Variants in MUC5B observed in about 807,000 individuals in gnomAD.
The protein encoded by MUC5B is mucin 5B, oligomeric mucus/gel-forming.
In MUC5B, 116 loss-of-function variants were observed where a neutral mutation model predicts 376.9. That is an observed-to-expected ratio of 0.31 (90% CI 0.26 to 0.36). MUC5B has a LOEUF of 0.36. Ranked by LOEUF, MUC5B falls within the 10% of genes least tolerant of loss-of-function variation. The pLI is 1.00. For synonymous variants in MUC5B, 3,517 were observed against 3,390.9 expected (o/e 1.04, Z -1.29); for missense variants, 7,165 against 7,769.9 (o/e 0.92, Z 2.93).
At chr11:1,232,267 G>T in intron 15 of MUC5B, 107 bp downstream of exon 15, 1 of 1,403,674 alleles carries the variant, frequency 7.1e-7, no homozygotes. Context: ...GGACCCCATG[G>T]AGGCAGGTGG....
rs573266996 is a variant in MUC5B at position 1,251,434 on chromosome 11, A to G, written c.14554A>G (p.Ser4852Gly). The G allele has an allele frequency of 1.9e-6, 3 of 1,612,574 alleles. No homozygotes were observed. In the African/African-American group the frequency reaches 4.0e-5, roughly 22 times the overall value. ...GACCACCTGGATCCTCACAGAGCCGAGCACTATAGCCACCGTGATGGTGCC... is the reference window on the plus strand; with the variant it reads ...GACCACCTGGATCCTCACAGAGCCGGGCACTATAGCCACCGTGATGGTGCC... ...PGTTWILTEP[S>G]TIATVMVPTG... Residue 4852 changes from serine (S) to glycine (G), a missense_variant, in exon 31 of 49, where the codon AGC becomes GGC. Physicochemically the swap from Ser to Gly is moderately conservative, Grantham distance 56 (BLOSUM62 0). Around this residue, in one of 31 missense-constraint regions of MUC5B, gnomAD observed 730 missense variants for 592.7 expected, o/e 1.23. Coordinates refer to ENST00000529681, the MANE Select transcript of MUC5B (RefSeq NM_002458.3).
chr11:1,231,349 G>A lies in MUC5B; in HGVS notation c.1541-74G>A, dbSNP rs1181929042. The A allele has an allele frequency of 2.0e-6, 3 of 1,504,304 alleles. No individual in the cohort carries two copies. In the African/African-American group the frequency reaches 4.1e-5, roughly 21 times the overall value. 93.2% of individuals were successfully genotyped at this position (1,504,304 alleles called of 1,614,324 possible). On this transcript the variant is annotated intron_variant, in intron 13 of 48. Transcript: ENST00000529681. ...CTCAGTGGGGTGGCCCGGCCCACTGGATGCCCTGCCCCTCCAATCTAGCCA... is the reference window on the plus strand; with the variant it reads ...CTCAGTGGGGTGGCCCGGCCCACTGAATGCCCTGCCCCTCCAATCTAGCCA...
In MUC5B at chr11:1,259,073, G is replaced by A. The variant is rs745475337; in HGVS notation, c.16713+12G>A. 8.4e-6 allele frequency: 13 copies of A among 1,544,350 alleles called. 1 individual carries two copies. In the South Asian group the frequency reaches 1.3e-4, roughly 16 times the overall value. On this transcript the variant is annotated intron_variant, in intron 44 of 48. Coordinates refer to ENST00000529681, the MANE Select transcript of MUC5B (RefSeq NM_002458.3). ...CTACCTGTCCCCAGGTGAGACCCGAGGCACCTGCCCCCAGGTGAGCCCCCG... is the reference window on the plus strand; with the variant it reads ...CTACCTGTCCCCAGGTGAGACCCGAAGCACCTGCCCCCAGGTGAGCCCCCG...
chr11:1,239,364 G>A (rs1862226639), intron 26 of MUC5B, 74 bp from the exon 27 acceptor site: 2 of 1,526,132 alleles, frequency 1.3e-6, no homozygotes, highest in Admixed American at 2.1e-5. Flanking sequence ...CCCACGCCCG[G>A]GGTAGGGGCT....
At position 1,234,224 on chromosome 11, in the gene MUC5B, G is replaced by A; in HGVS notation, c.2397G>A (p.Val799=). 1.2e-6 allele frequency: 2 copies of A among 1,605,586 alleles called. No homozygotes were observed. Among genetic ancestry groups the A allele is most frequent in the Non-Finnish European group, 1.7e-6 (2 of 1,177,976 alleles). Residue 799 remains valine, a synonymous_variant, in exon 20 of 49, where the codon GTG becomes GTA. Coordinates refer to ENST00000529681, the MANE Select transcript of MUC5B (RefSeq NM_002458.3). This position sits in a 1 kb window ranked among gnomAD's most constrained non-coding sequence, Gnocchi z 6.3. ...QKSTGCAAPM[V]YLDCSNSSAG... ...CCCCAGGGTGTGCAGCCCCCATGGT[G>A]TACCTGGACTGCAGCAACAGCTCGG...
chr11:1,226,959 G>A, intron 4 of MUC5B, 72 bp from the exon 5 acceptor site: 1 of 1,575,212 alleles, frequency 6.3e-7, no homozygotes, highest in Non-Finnish European at 8.6e-7. Flanking sequence ...CCTGGGCCAG[G>A]GCTGGGGGGG....
intron 9 of MUC5B, 118 bp downstream of exon 9, chr11:1,229,413 G>T: frequency 8.0e-7 from 1 of 1,248,380 alleles, no homozygotes; most frequent in Non-Finnish European, 1.1e-6. Flanking sequence ...CCCACCAGAG[G>T]GCCCAGGGTG....
chr11:1,227,739 C>T lies in MUC5B; in HGVS notation c.732C>T (p.Cys244=). The part of the protein sequence containing the change: ...LQKLDGPTEQ[C]PDPLPLPAGN... Reference sequence around the variant, plus strand: ...AGTTGGATGGGCCCACGGAGCAGTGCCCGGACCCGCTGCCCTTGCCGGCCG... The same window carrying T: ...AGTTGGATGGGCCCACGGAGCAGTGTCCGGACCCGCTGCCCTTGCCGGCCG... The change falls in exon 7 of 49, where the codon TGC becomes TGT. Residue 244 remains cysteine (C), a synonymous_variant. Coordinates refer to ENST00000529681, the MANE Select transcript of MUC5B (RefSeq NM_002458.3). 2.8e-6 allele frequency: 2 copies of T among 721,408 alleles called. No individual in the cohort carries two copies. The highest frequency in any genetic ancestry group is 2.6e-6 in the Non-Finnish European group (1 of 387,350). 44.7% of individuals were successfully genotyped at this position (721,408 alleles called of 1,614,324 possible).
At chr11:1,226,556 G>A (rs1248188672) in intron 3 of MUC5B, 59 bp from the exon 4 acceptor site, 2 of 1,555,256 alleles carry the variant, frequency 1.3e-6, no homozygotes, top group East Asian at 4.8e-5. Flanking sequence ...CTCGGCCCAG[G>A]GGAGGCTACC....
Position 1,248,418 on chromosome 11 carries a change from C to G in MUC5B, c.11538C>G (p.Ala3846=). Residue 3846 remains alanine (A), a synonymous_variant, in exon 31 of 49, where the codon GCC becomes GCG. Transcript: ENST00000529681. The part of the protein sequence containing the change: ...VLTTTATTTR[A]TGSVATPSST... ...CCACCACGGCCACCACAACCAGGGCCACCGGCTCTGTGGCCACCCCCTCTT... is the reference window on the plus strand; with the variant it reads ...CCACCACGGCCACCACAACCAGGGCGACCGGCTCTGTGGCCACCCCCTCTT... The G allele has an allele frequency of 6.2e-7, 1 of 1,612,116 alleles. No individual in the cohort carries two copies.
At chr11:1,240,135 G>A in intron 29 of MUC5B, 43 bp from the exon 30 acceptor site, 1 of 1,569,210 alleles carries the variant, frequency 6.4e-7, no homozygotes, top group East Asian at 2.3e-5. Flanking sequence ...GCTGGGGCCA[G>A]GGGCTCGGAG....
chr11:1,227,487 G>C, intron 6 of MUC5B, 89 bp downstream of exon 6: 12 of 1,037,940 alleles, frequency 1.2e-5, no homozygotes, highest in Non-Finnish European at 1.6e-5. Flanking sequence ...GGGGCGGAGT[G>C]GGGACCGGGC....
chr11:1,246,500 G>T lies in MUC5B; in HGVS notation c.9620G>T (p.Ser3207Ile). The change falls in exon 31 of 49, where the codon AGC becomes ATC. Residue 3207 changes from serine to isoleucine, a missense_variant. Ser to Ile is a moderately radical substitution (Grantham distance 142). Around this residue, in one of 31 missense-constraint regions of MUC5B, gnomAD observed 939 missense variants for 770.6 expected, o/e 1.22. Coordinates refer to ENST00000529681, the MANE Select transcript of MUC5B (RefSeq NM_002458.3). ...ACGGCCACCACACCCACAGTCATCA[G>T]CTCCAGAGCCACTCCCTCCTCCAGT... ...TSTATTPTVISSRATPSSSPG... is the reference protein window; with the variant it reads ...TSTATTPTVIISRATPSSSPG... The T allele has an allele frequency of 6.2e-7, 1 of 1,613,112 alleles. No individual in the cohort carries two copies. Among genetic ancestry groups the T allele is most frequent in the South Asian group, 1.1e-5 (1 of 91,030 alleles).
Position 1,245,208 on chromosome 11 carries a change from A to C in MUC5B, c.8328A>C (p.Ser2776=), listed in dbSNP as rs200954974. The C allele has an allele frequency of 1.3e-6, 2 of 1,564,752 alleles. No individual in the cohort carries two copies. Among genetic ancestry groups the C allele is most frequent in the South Asian group, 1.1e-5 (1 of 89,644 alleles). The stretch of plus-strand genomic sequence containing the variant: ...GCACAGCCTGGACTTCGGCCACCTC[A>C]GGCACCTTGGGCACCACCCACATCA... ...TVRTAWTSAT[S]GTLGTTHITE... Residue 2776 remains serine (S), a synonymous_variant, in exon 31 of 49, where the codon TCA becomes TCC. Transcript: ENST00000529681.
chr11:1,249,232 G>A lies in MUC5B; in HGVS notation c.12352G>A (p.Ala4118Thr), dbSNP rs1295980348. 8.7e-6 allele frequency: 14 copies of A among 1,611,398 alleles called. No homozygotes were observed. In the Admixed American group the frequency reaches 2.3e-4, roughly 27 times the overall value. The change falls in exon 31 of 49, where the codon GCC becomes ACC. Residue 4118 changes from alanine to threonine, a missense_variant. By Grantham distance (58) the Ala-to-Thr change is moderately conservative (BLOSUM62 0). Coordinates refer to ENST00000529681, the MANE Select transcript of MUC5B (RefSeq NM_002458.3). ...CCTGCTGCCCAGCAGCCCCACATCG[G>A]CCCCCATAACCACGGTGGTGACCAC... Reference protein sequence around the residue: ...STLLPSSPTSAPITTVVTTGC... With the variant: ...STLLPSSPTSTPITTVVTTGC...
rs752695025 is a variant in MUC5B, at chr11:1,239,782, C to T, written c.3584-17C>T. 42 of 1,603,048 alleles carry T rather than the reference C, an allele frequency of 2.6e-5. No individual in the cohort carries two copies. The highest frequency in any genetic ancestry group is 3.3e-5 in the Non-Finnish European group (39 of 1,175,650). On this transcript the variant is annotated splice_polypyrimidine_tract_variant and intron_variant, in intron 27 of 48. Transcript: ENST00000529681. ...AAAGGGCCCTGGTGAGTCTTCTGCT[C>T]ACCCTGCCGGCCCTAGGCTGCTACC...
Position 1,248,988 on chromosome 11 carries a change from G to A in MUC5B, c.12108G>A (p.Leu4036=), listed in dbSNP as rs747146622. The A allele has an allele frequency of 1.0e-5, 16 of 1,605,698 alleles. No homozygotes were observed. Among genetic ancestry groups the A allele is most frequent in the Non-Finnish European group, 1.2e-5 (14 of 1,177,502 alleles). The change falls in exon 31 of 49, where the codon TTG becomes TTA. Residue 4036 remains leucine, a synonymous_variant. Transcript: ENST00000529681. ...TAWTSATSGT[L]GTTHITEPST... is the part of the protein sequence containing the mutation. ...GGACTTCGGCCACCTCAGGCACCTT[G>A]GGCACCACCCACATCACAGAGCCTT... is the stretch of plus-strand genomic sequence containing the variant.
chr11:1,258,826 T>C lies in MUC5B; in HGVS notation c.16594-116T>C. On this transcript the variant is annotated intron_variant, in intron 43 of 48. Coordinates refer to ENST00000529681, the MANE Select transcript of MUC5B (RefSeq NM_002458.3). This position sits in a 1 kb window ranked among gnomAD's most constrained non-coding sequence, Gnocchi z 5.5. ...GGGTCCATGCTCAGCCAGGGGTGCA[T>C]CTATGCTCCATCTGAGGAAGGAACA... The C allele has an allele frequency of 7.1e-7, 1 of 1,398,750 alleles. No individual in the cohort carries two copies. The highest frequency in any genetic ancestry group is 1.4e-5 in the African/African-American group (1 of 70,378). 86.6% of individuals were successfully genotyped at this position (1,398,750 alleles called of 1,614,324 possible).
intron 28 of MUC5B, 32 bp downstream of exon 28, chr11:1,239,975 G>A (rs1376440261): frequency 1.2e-6 from 2 of 1,610,330 alleles, no homozygotes; most frequent in African/African-American, 2.7e-5. Flanking sequence ...GGCGCTGGGG[G>A]AGCAGGGCTG....
Sources: allele counts gnomAD v4.1 joint callset, GRCh38; gene constraint gnomAD v4.1.1; regional missense constraint gnomAD v4.1.1; non-coding constraint Gnocchi (gnomAD v3.1); transcripts MANE v1.5; gene names NCBI Gene and HGNC (gene_info 2026-07-23, HGNC 2026-07-21).